The following MEF2C variants were observed in gnomAD, a reference collection of about 807,000 sequenced individuals.
MEF2C encodes the protein myocyte enhancer factor 2C.
Under a neutral mutation model 50.5 loss-of-function variants are expected in MEF2C, and 6 were observed. That is an observed-to-expected ratio of 0.12 (90% confidence interval 0.07 to 0.23). MEF2C has a LOEUF of 0.23. MEF2C is among the 10% of genes least tolerant of loss of function. MEF2C has a pLI of 1.00. For missense variants in MEF2C, 276 were observed against 605.0 expected (o/e 0.46, Z 5.70); for synonymous variants, 183 against 228.0 (o/e 0.80, Z 1.78).
At chr5:88,831,273 T>C (rs540738884) in intron 1 of MEF2C, among the ~76,000 whole-genome samples, 5 of 152,146 alleles carry the variant, frequency 3.3e-5, no homozygotes, top group Non-Finnish European at 7.4e-5. Context: ...AATGTGTAAA[T>C]AAAACAATAA....
chr5:88,821,630 A>T (rs1336620594), intron 2 of MEF2C, among the ~76,000 whole-genome samples: 1 of 151,854 alleles, frequency 6.6e-6, no homozygotes, highest in Admixed American at 6.6e-5. Context: ...CATTATGTTA[A>T]GTGAAATAAG....
chr5:88,749,263 T>C, intron 5 of MEF2C, 146 bp from the exon 6 acceptor site: 1 of 1,255,180 alleles, frequency 8.0e-7, no homozygotes, highest in African/African-American at 1.5e-5. Flanking sequence ...CTGACATTTG[T>C]TTTATTGTGC....
intron 8 of MEF2C, 47 bp from the exon 9 acceptor site, chr5:88,729,394 T>A (rs899013384): frequency 6.8e-7 from 1 of 1,473,498 alleles, no homozygotes; most frequent in African/African-American, 1.4e-5. Context: ...TTTTTAAAAG[T>A]TAAAAATATT....
At chr5:88,802,308 T>C (rs550462903) in intron 3 of MEF2C, among the ~76,000 whole-genome samples, 1 of 152,370 alleles carries the variant, frequency 6.6e-6, no homozygotes, top group East Asian at 1.9e-4. Flanking sequence ...TGCACAAAAG[T>C]GCAAGACAAG....
chr5:88,742,380 G>A (rs1051031445), intron 6 of MEF2C: 36 of 984,474 alleles, frequency 3.7e-5, no homozygotes, highest in Admixed American at 6.2e-5. Flanking sequence ...AGTATTTCAG[G>A]GGGAAATATT....
At chr5:88,781,375 G>A (rs1229259450) in intron 3 of MEF2C, among the ~76,000 whole-genome samples, 3 of 152,170 alleles carry the variant, frequency 2.0e-5, no homozygotes, top group African/African-American at 7.2e-5. Context: ...GGCTATATAT[G>A]TACATAAGTT....
At chr5:88,829,394 C>T (rs192932658) in intron 1 of MEF2C, among the ~76,000 whole-genome samples, 9 of 152,106 alleles carry the variant, frequency 5.9e-5, no homozygotes, top group Non-Finnish European at 1.2e-4. Flanking sequence ...CTTTGCAGCA[C>T]TCGCAGCAAT....
intron 1 of MEF2C, among the ~76,000 whole-genome samples, chr5:88,899,074 C>T (rs1431177634): frequency 6.6e-6 from 1 of 152,108 alleles, no homozygotes; most frequent in South Asian, 2.1e-4. Flanking sequence ...CCATTCAGTA[C>T]TTTTTTGTCA....
intron 3 of MEF2C, among the ~76,000 whole-genome samples, chr5:88,804,347 A>G (rs1453559889): frequency 6.6e-6 from 1 of 152,222 alleles, no homozygotes; most frequent in Non-Finnish European, 1.5e-5. Context: ...TGAAGCAAAT[A>G]GTTTGACACT....
At chr5:88,876,564 T>A (rs549132741) in intron 1 of MEF2C, among the ~76,000 whole-genome samples, 11 of 151,972 alleles carry the variant, frequency 7.2e-5, no homozygotes, top group Non-Finnish European at 1.6e-4. Flanking sequence ...AGCAGACAAA[T>A]TTCTTTGTCT....
chr5:88,820,066 T>C (rs1807506666), intron 2 of MEF2C, among the ~76,000 whole-genome samples: 1 of 123,050 alleles, frequency 8.1e-6, no homozygotes, highest in Non-Finnish European at 1.6e-5. Flanking sequence ...TAATAAAAAT[T>C]ATTTGTAATT....
At chr5:88,882,236 GA>G (rs1833107106) in intron 1 of MEF2C, among the ~76,000 whole-genome samples, 1 of 152,194 alleles carries the variant, frequency 6.6e-6, no homozygotes, top group South Asian at 2.1e-4. Context: ...AGTCCAAAGA[GA>G]AGGCAATTTA....
chr5:88,859,578 G>A (rs1431417204), intron 1 of MEF2C, among the ~76,000 whole-genome samples: 1 of 152,192 alleles, frequency 6.6e-6, no homozygotes, highest in East Asian at 1.9e-4. Context: ...AATGTTTTCA[G>A]TATCCTATTT....
chr5:88,893,881 C>T (rs1454938061), intron 1 of MEF2C, among the ~76,000 whole-genome samples: 1 of 152,252 alleles, frequency 6.6e-6, no homozygotes, highest in Non-Finnish European at 1.5e-5. Context: ...CACCAAAGTA[C>T]TGATTGAGTC....
chr5:88,838,727 C>T (rs1366528183), intron 1 of MEF2C: 3 of 985,154 alleles, frequency 3.0e-6, no homozygotes, highest in Non-Finnish European at 3.6e-6. Flanking sequence ...CTTGCCACTC[C>T]TCTTTTTCCT....
At chr5:88,872,630 T>A (rs966853395) in intron 1 of MEF2C, among the ~76,000 whole-genome samples, 1 of 152,048 alleles carries the variant, frequency 6.6e-6, no homozygotes, top group African/African-American at 2.4e-5. Flanking sequence ...GCTATGATAA[T>A]AATTTAATAT....
At chr5:88,756,038 CAAAT>C (rs755115407) in intron 4 of MEF2C, among the ~76,000 whole-genome samples, 4 of 152,124 alleles carry the variant, frequency 2.6e-5, no homozygotes, top group Non-Finnish European at 5.9e-5. Flanking sequence ...GCTAAGCAGT[CAAAT>C]ATAATTATGG....
At chr5:88,767,380 T>C (rs1209637320) in intron 3 of MEF2C, among the ~76,000 whole-genome samples, 4 of 150,894 alleles carry the variant, frequency 2.7e-5, no homozygotes, top group Non-Finnish European at 4.4e-5. Context: ...TGTAGTACCA[T>C]AGTCCCTTTT....
At chr5:88,768,756 T>TC (rs1781100597) in intron 3 of MEF2C, 1 of 899,114 alleles carries the variant, frequency 1.1e-6, no homozygotes, top group South Asian at 5.1e-5. Context: ...CTCTTTTTTT[T>TC]CCATTTATTA....
Sources: gnomAD v4.1 joint callset for allele counts (sites outside exome capture counted in the v4.1 genomes callset) on GRCh38, gnomAD v4.1.1 for gene constraint, MANE v1.5 for transcripts, NCBI Gene and HGNC (gene_info 2026-07-23, HGNC 2026-07-21) for gene names.